Variants in SCPPPQ1 observed in about 807,000 individuals in gnomAD.
The protein encoded by SCPPPQ1 is secretory calcium-binding phosphoprotein proline-glutamine rich 1, also known as secretory calcium-binding phosphoprotein proline- and glutamine-rich 1.
chr4:87,463,290 A>G, the SCPPPQ1 span, among the ~76,000 whole-genome samples: 1 of 149,542 alleles, frequency 6.7e-6, no homozygotes, highest in Non-Finnish European at 1.5e-5. Flanking sequence ...ATGGAAATAA[A>G]ATCTTACCCC....
At chr4:87,463,598 A>T in the SCPPPQ1 span, among the ~76,000 whole-genome samples, 1 of 152,334 alleles carries the variant, frequency 6.6e-6, no homozygotes, top group African/African-American at 2.4e-5. Context: ...TATTTATATG[A>T]TACAAGATTT....
the SCPPPQ1 span, among the ~76,000 whole-genome samples, chr4:87,468,602 C>T: frequency 6.6e-6 from 1 of 152,136 alleles, no homozygotes; most frequent in African/African-American, 2.4e-5. Context: ...TCTGGGATTA[C>T]AGTATTTCAT....
the SCPPPQ1 span, among the ~76,000 whole-genome samples, chr4:87,463,851 A>G: frequency 1.1e-4 from 16 of 152,352 alleles, no homozygotes; most frequent in African/African-American, 3.8e-4. Flanking sequence ...ACTTGCTTAT[A>G]CAAGCAGTTT....
chr4:87,464,789 G>A, the SCPPPQ1 span, among the ~76,000 whole-genome samples: 2 of 152,156 alleles, frequency 1.3e-5, no homozygotes, highest in African/African-American at 4.8e-5. Context: ...AGTGAGCTGT[G>A]ATTGCACCAC....
chr4:87,464,698 C>T, the SCPPPQ1 span, among the ~76,000 whole-genome samples: 4 of 152,058 alleles, frequency 2.6e-5, no homozygotes, highest in South Asian at 4.1e-4. Flanking sequence ...ATTAGCCCAG[C>T]GTGGTAGTGC....
chr4:87,466,112 G>T, the SCPPPQ1 span, among the ~76,000 whole-genome samples: 79 of 152,264 alleles, frequency 5.2e-4, no homozygotes, highest in African/African-American at 1.7e-3. Context: ...TCTTGCCAGG[G>T]CACGGTCGCT....
the SCPPPQ1 span, chr4:87,461,007 G>A: frequency 6.6e-6 from 1 of 152,346 alleles, no homozygotes; most frequent in African/African-American, 2.4e-5. Context: ...AAAACAAAAT[G>A]TTAGTTTCAG....
the SCPPPQ1 span, among the ~76,000 whole-genome samples, chr4:87,463,272 A>G: frequency 1.3e-5 from 2 of 151,754 alleles, no homozygotes; most frequent in Non-Finnish European, 2.9e-5. Context: ...ACCTTTATCA[A>G]TTTAGTCATG....
At chr4:87,462,191 T>G in the SCPPPQ1 span, 6 of 152,228 alleles carry the variant, frequency 3.9e-5, no homozygotes, top group Non-Finnish European at 5.9e-5. Flanking sequence ...ATTGAATCCT[T>G]AACTGTTTAC....
At chr4:87,467,702 A>C in the SCPPPQ1 span, among the ~76,000 whole-genome samples, 1 of 152,176 alleles carries the variant, frequency 6.6e-6, no homozygotes, top group Non-Finnish European at 1.5e-5. Flanking sequence ...ATTCCTGGGG[A>C]CTGCCTAAAG....
chr4:87,466,132 A>G, the SCPPPQ1 span, among the ~76,000 whole-genome samples: 1 of 152,194 alleles, frequency 6.6e-6, no homozygotes, highest in Non-Finnish European at 1.5e-5. Flanking sequence ...TCATGCCTGT[A>G]ATCCTAGCAC....
chr4:87,466,123 C>G, the SCPPPQ1 span, among the ~76,000 whole-genome samples: 1 of 152,190 alleles, frequency 6.6e-6, no homozygotes. Context: ...CACGGTCGCT[C>G]ATGCCTGTAA....
the SCPPPQ1 span, among the ~76,000 whole-genome samples, chr4:87,462,431 T>G: frequency 6.6e-5 from 10 of 152,290 alleles, no homozygotes; most frequent in South Asian, 2.1e-3. Context: ...CTTAAAAATA[T>G]TAGAACAACA....
chr4:87,463,311 CA>C, the SCPPPQ1 span, among the ~76,000 whole-genome samples: 7 of 114,432 alleles, frequency 6.1e-5, no homozygotes, highest in African/African-American at 3.6e-4. Flanking sequence ...AGAGAAGTTC[CA>C]AAAGTTAAAA....
the SCPPPQ1 span, among the ~76,000 whole-genome samples, chr4:87,461,542 A>G: frequency 5.3e-5 from 8 of 152,300 alleles, no homozygotes; most frequent in East Asian, 1.5e-3. Flanking sequence ...TAACCTAAGG[A>G]TAAAGGGCCA....
At chr4:87,470,734 A>G in the SCPPPQ1 span, among the ~76,000 whole-genome samples, 1 of 152,234 alleles carries the variant, frequency 6.6e-6, no homozygotes, top group Non-Finnish European at 1.5e-5. Context: ...GAGGCAAGTT[A>G]TATCTATAAA....
chr4:87,464,136 T>A, the SCPPPQ1 span, among the ~76,000 whole-genome samples: 1 of 152,162 alleles, frequency 6.6e-6, no homozygotes, highest in Non-Finnish European at 1.5e-5. Flanking sequence ...AATGTAGTAT[T>A]TATATGGACT....
the SCPPPQ1 span, among the ~76,000 whole-genome samples, chr4:87,461,421 A>G: frequency 6.6e-6 from 1 of 152,216 alleles, no homozygotes; most frequent in Non-Finnish European, 1.5e-5. Context: ...CATGTTATTC[A>G]TAGTATTGCA....
the SCPPPQ1 span, among the ~76,000 whole-genome samples, chr4:87,461,748 C>A: frequency 6.6e-6 from 1 of 152,140 alleles, no homozygotes. Flanking sequence ...CTTAGGACTT[C>A]TGGTGGTGGT....
Sources: allele counts gnomAD v4.1 joint callset (sites outside exome capture counted in the v4.1 genomes callset), GRCh38; gene constraint gnomAD v4.1.1; transcripts MANE v1.5; gene names NCBI Gene and HGNC (gene_info 2026-07-23, HGNC 2026-07-21).